Variants in PTPN4 observed in about 807,000 individuals in gnomAD.
PTPN4 encodes the protein protein tyrosine phosphatase non-receptor type 4, also known as tyrosine-protein phosphatase non-receptor type 4.
Under a neutral mutation model 135.5 loss-of-function variants are expected in PTPN4, and 49 were observed. The observed-to-expected ratio is 0.36, with a 90% CI of 0.29 to 0.46. The LOEUF is 0.46. PTPN4 is among the 20% of genes least tolerant of loss of function. The pLI is 1.00. For synonymous variants in PTPN4, 333 were observed against 369.9 expected (o/e 0.90, Z 1.14); for missense variants, 860 against 1,101.0 (o/e 0.78, Z 3.10).
intron 1 of PTPN4, among the ~76,000 whole-genome samples, chr2:119,787,053 T>C (rs1691059659): frequency 6.6e-6 from 1 of 152,172 alleles, no homozygotes; most frequent in African/African-American, 2.4e-5. Flanking sequence ...AAAAGGCTAA[T>C]AGGAAACTCG....
At chr2:119,823,265 C>A (rs550711965) in intron 2 of PTPN4, among the ~76,000 whole-genome samples, 1 of 149,460 alleles carries the variant, frequency 6.7e-6, no homozygotes, top group South Asian at 2.1e-4. Context: ...GACGCAGTCT[C>A]GCTCTGTCGC....
At chr2:119,895,780 G>T (rs1678313350) in intron 9 of PTPN4, among the ~76,000 whole-genome samples, 2 of 152,072 alleles carry the variant, frequency 1.3e-5, no homozygotes, top group Non-Finnish European at 2.9e-5. Flanking sequence ...AATTAGCTGG[G>T]CGCGGTGGCG....
intron 19 of PTPN4, among the ~76,000 whole-genome samples, chr2:119,953,688 CT>C (rs1679240103): frequency 3.3e-5 from 5 of 152,022 alleles, no homozygotes; most frequent in Admixed American, 6.5e-5. Context: ...TTATTAAAAA[CT>C]TTCTGTGCAC....
At chr2:119,849,489 A>G (rs558403380) in intron 2 of PTPN4, among the ~76,000 whole-genome samples, 7 of 152,188 alleles carry the variant, frequency 4.6e-5, no homozygotes, top group East Asian at 1.9e-4. Context: ...TTTTGCAGAG[A>G]TGGGGTTTCA....
At position 119,965,648 on chromosome 2, in the gene PTPN4, A is replaced by ACTC; in HGVS notation, c.2558+4_2558+6dup. The ACTC allele has an allele frequency of 6.2e-7, 1 of 1,611,274 alleles. No homozygotes were observed. Among genetic ancestry groups the ACTC allele is most frequent in the East Asian group, 2.2e-5 (1 of 44,860 alleles). On this transcript the variant is annotated splice_donor_region_variant and intron_variant, in intron 25 of 26. Transcript: ENST00000263708. ...GAACCCGTTGTTGTCCATTGCAGGT[A>ACTC]CTCTGTTTTCCGTCTTTTATGAGTG...
At chr2:119,901,596 G>A (rs1045417419) in intron 10 of PTPN4, among the ~76,000 whole-genome samples, 2 of 152,072 alleles carry the variant, frequency 1.3e-5, no homozygotes, top group Admixed American at 6.6e-5. Flanking sequence ...AAGACGTGTC[G>A]AAAGGCAGTA....
chr2:119,903,843 A>G (rs541319576), intron 10 of PTPN4, among the ~76,000 whole-genome samples: 23 of 152,090 alleles, frequency 1.5e-4, no homozygotes, highest in Non-Finnish European at 2.5e-4. Flanking sequence ...TCCATCCCCA[A>G]TACAGCTTCA....
intron 15 of PTPN4, among the ~76,000 whole-genome samples, chr2:119,942,305 T>C (rs1679071705): frequency 6.6e-6 from 1 of 152,186 alleles, no homozygotes; most frequent in Non-Finnish European, 1.5e-5. Flanking sequence ...ATACTGAGTA[T>C]GCCACTGTTA....
chr2:119,877,846 A>G (rs938406539), intron 5 of PTPN4, among the ~76,000 whole-genome samples: 7 of 152,092 alleles, frequency 4.6e-5, no homozygotes, highest in Non-Finnish European at 1.0e-4. Context: ...AGGTCATCAA[A>G]TGTGCTGAAA....
Position 119,984,749 on chromosome 2 carries a change from C to G in PTPN4, c.*7679C>G, listed in dbSNP as rs1390245804. Among the ~76,000 whole-genome samples the G allele has an allele frequency of 1.3e-5, 2 of 151,996 alleles. No individual in the cohort carries two copies. Among genetic ancestry groups the G allele is most frequent in the Non-Finnish European group, 2.9e-5 (2 of 67,990 alleles). On this transcript the variant is annotated 3_prime_UTR_variant, in exon 27 of 27. Transcript: ENST00000263708. ...ATTAATACTGTTTTAGTCTTAAGAG[C>G]AATTTATATTATGTGAAATGCTGTT...
intron 22 of PTPN4, among the ~76,000 whole-genome samples, chr2:119,960,306 A>G (rs1679348240): frequency 6.6e-6 from 1 of 152,232 alleles, no homozygotes; most frequent in African/African-American, 2.4e-5. Context: ...GAAAATTATG[A>G]ATTTAAAATA....
chr2:119,876,240 A>T (rs1201557361), intron 3 of PTPN4, among the ~76,000 whole-genome samples: 1 of 152,188 alleles, frequency 6.6e-6, no homozygotes, highest in African/African-American at 2.4e-5. Flanking sequence ...GACATACTCA[A>T]AGTTATGTTT....
chr2:119,786,651 A>C (rs962566521), intron 1 of PTPN4, among the ~76,000 whole-genome samples: 2 of 152,168 alleles, frequency 1.3e-5, no homozygotes. Context: ...AACCCAGTAA[A>C]AATTGTATCT....
At chr2:119,874,183 TTGA>T (rs1157503922) in intron 3 of PTPN4, among the ~76,000 whole-genome samples, 1 of 152,142 alleles carries the variant, frequency 6.6e-6, no homozygotes, top group Admixed American at 6.5e-5. Flanking sequence ...AAAGATAGTG[TTGA>T]TGAGGAAGTG....
intron 26 of PTPN4, among the ~76,000 whole-genome samples, chr2:119,975,991 A>G: frequency 9.2e-6 from 1 of 108,964 alleles, no homozygotes; most frequent in Admixed American, 1.3e-4. Flanking sequence ...ATTTTTATTT[A>G]TTTATTTATT....
At chr2:119,941,984 C>T (rs1436775230) in intron 15 of PTPN4, among the ~76,000 whole-genome samples, 6 of 152,082 alleles carry the variant, frequency 3.9e-5, no homozygotes, top group African/African-American at 1.4e-4. Flanking sequence ...CCATTCTTTC[C>T]GGAGCTTCCA....
At chr2:119,769,827 C>T (rs1208846936) in intron 1 of PTPN4, among the ~76,000 whole-genome samples, 2 of 152,204 alleles carry the variant, frequency 1.3e-5, no homozygotes, top group East Asian at 3.8e-4. Flanking sequence ...TGATATGTAT[C>T]TGGGATAGCT....
At chr2:119,843,083 G>C (rs2104971659) in intron 2 of PTPN4, among the ~76,000 whole-genome samples, 1 of 152,234 alleles carries the variant, frequency 6.6e-6, no homozygotes, top group Non-Finnish European at 1.5e-5. Context: ...CTATTGATAT[G>C]ATCATGTGAC....
intron 18 of PTPN4, among the ~76,000 whole-genome samples, chr2:119,950,800 T>G (rs924967648): frequency 6.6e-6 from 1 of 152,216 alleles, no homozygotes; most frequent in Non-Finnish European, 1.5e-5. Flanking sequence ...GCTGTTTGTC[T>G]TCTCACTTTG....
Sources: gnomAD v4.1 joint callset for allele counts (sites outside exome capture counted in the v4.1 genomes callset) on GRCh38, gnomAD v4.1.1 for gene constraint, MANE v1.5 for transcripts, NCBI Gene and HGNC (gene_info 2026-07-23, HGNC 2026-07-21) for gene names.